The following WWP2 variants were observed in gnomAD, a reference collection of about 807,000 sequenced individuals.
WWP2 encodes the protein WW domain containing E3 ubiquitin protein ligase 2.
Under a neutral mutation model 121.0 loss-of-function variants are expected in WWP2, and 57 were observed. That is an observed-to-expected ratio of 0.47 (90% CI 0.38 to 0.59). The LOEUF (loss-of-function observed/expected upper bound fraction) is 0.59. Ranked by LOEUF, WWP2 falls within the 20% of genes least tolerant of loss-of-function variation. WWP2 has a pLI of 0.00. For missense variants in WWP2, 962 were observed against 1,158.9 expected (o/e 0.83, Z 2.47); for synonymous variants, 449 against 441.3 (o/e 1.02, Z -0.22).
chr16:69,897,340 C>A (rs1770823734), intron 8 of WWP2, among the ~76,000 whole-genome samples: 1 of 152,084 alleles, frequency 6.6e-6, no homozygotes, highest in Admixed American at 6.6e-5. Flanking sequence ...TGGGCTCAAG[C>A]AATCTGCTCC....
At chr16:69,917,586 C>T (rs1305881195) in intron 9 of WWP2, 123 bp from the exon 10 acceptor site, 7 of 1,166,650 alleles carry the variant, frequency 6.0e-6, no homozygotes, top group Non-Finnish European at 8.4e-6. Context: ...CTATAATCAG[C>T]TAAGCCCCAG....
At chr16:69,922,881 T>G (rs2058583182) in intron 10 of WWP2, among the ~76,000 whole-genome samples, 1 of 150,382 alleles carries the variant, frequency 6.6e-6, no homozygotes, top group South Asian at 2.1e-4. Context: ...GTAATTGTGG[T>G]TTTTGCCACG....
intron 4 of WWP2, among the ~76,000 whole-genome samples, chr16:69,814,109 C>G (rs1369631407): frequency 1.3e-5 from 2 of 152,118 alleles, no homozygotes; most frequent in African/African-American, 4.8e-5. Flanking sequence ...GTAAGCTAAA[C>G]CACTTGAGGG....
Position 69,935,731 on chromosome 16 carries a change from G to T in WWP2, c.1843-122G>T. 1 of 1,426,432 alleles carries T rather than the reference G, an allele frequency of 7.0e-7. No homozygotes were observed. The highest frequency in any genetic ancestry group is 1.4e-5 in the South Asian group (1 of 73,038). 88.4% of individuals were successfully genotyped at this position (1,426,432 alleles called of 1,614,324 possible). ...CGCTGCGTCCGAGGCAGCTGCTGCT[G>T]TAGTTCTGTCAGGGAAGGAAGGCGG... On this transcript the variant is annotated intron_variant, in intron 17 of 23. Coordinates refer to ENST00000359154, the MANE Select transcript of WWP2 (RefSeq NM_001270454.2). The surrounding 1 kb of genome is among the most constrained non-coding windows in gnomAD (Gnocchi z 5.2).
chr16:69,771,773 A>G (rs1042494291), intron 1 of WWP2, among the ~76,000 whole-genome samples: 2 of 151,986 alleles, frequency 1.3e-5, no homozygotes, highest in Non-Finnish European at 2.9e-5. Flanking sequence ...TGAAGTACAC[A>G]TGTATGCTAG....
chr16:69,922,275 C>A (rs2058574995), intron 10 of WWP2, among the ~76,000 whole-genome samples: 1 of 152,088 alleles, frequency 6.6e-6, no homozygotes, highest in South Asian at 2.1e-4. Flanking sequence ...GCCTGCGTTC[C>A]ACGCTGCAAC....
At chr16:69,829,993 C>CTAAGTCTA (rs932158204) in intron 4 of WWP2, among the ~76,000 whole-genome samples, 4 of 148,104 alleles carry the variant, frequency 2.7e-5, no homozygotes, top group African/African-American at 7.5e-5. Context: ...CTAACTCTTT[C>CTAAGTCTA]ACCTAAGCTG....
At chr16:69,902,133 G>A (rs998291854) in intron 8 of WWP2, among the ~76,000 whole-genome samples, 6 of 152,186 alleles carry the variant, frequency 3.9e-5, no homozygotes, top group Non-Finnish European at 5.9e-5. Context: ...ACGGGTAATT[G>A]AGCATTAATT....
chr16:69,905,707 G>A (rs2058278914), intron 8 of WWP2, among the ~76,000 whole-genome samples: 2 of 152,208 alleles, frequency 1.3e-5, no homozygotes, highest in East Asian at 1.9e-4. Context: ...CCAGTGCTAG[G>A]GAAGGCTGCT....
intron 4 of WWP2, among the ~76,000 whole-genome samples, chr16:69,817,058 G>T (rs1465892608): frequency 6.6e-6 from 1 of 152,170 alleles, no homozygotes; most frequent in African/African-American, 2.4e-5. Flanking sequence ...CTGTTATTCA[G>T]ACCTAATCCA....
chr16:69,781,609 C>T (rs937931235), intron 1 of WWP2, among the ~76,000 whole-genome samples: 24 of 151,998 alleles, frequency 1.6e-4, no homozygotes, highest in African/African-American at 5.8e-4. Flanking sequence ...CTCAGCCTCC[C>T]GAAGTGCTGG....
At chr16:69,936,104 C>T (rs2058793716) in intron 18 of WWP2, 118 bp downstream of exon 18, 4 of 1,495,624 alleles carry the variant, frequency 2.7e-6, no homozygotes, top group African/African-American at 1.4e-5. Flanking sequence ...CTTTTCCAGC[C>T]TCTATAAGAG....
chr16:69,764,964 G>C (rs2038696552), intron 1 of WWP2, among the ~76,000 whole-genome samples: 2 of 152,154 alleles, frequency 1.3e-5, no homozygotes, highest in Non-Finnish European at 2.9e-5. Flanking sequence ...AGCACTTTGG[G>C]AGGTCAAGGT....
At chr16:69,919,044 A>G (rs891192217) in intron 10 of WWP2, among the ~76,000 whole-genome samples, 10 of 151,610 alleles carry the variant, frequency 6.6e-5, no homozygotes, top group African/African-American at 2.4e-4. Flanking sequence ...GGGTTTTGCC[A>G]TGTTGGCCAG....
At chr16:69,891,998 C>T (rs1005888614) in intron 8 of WWP2, among the ~76,000 whole-genome samples, 16 of 152,096 alleles carry the variant, frequency 1.1e-4, no homozygotes, top group East Asian at 3.8e-4. Context: ...AATTTGCATA[C>T]GATTTATTAA....
chr16:69,882,859 GT>G, intron 7 of WWP2, among the ~76,000 whole-genome samples: 1 of 152,170 alleles, frequency 6.6e-6, no homozygotes, highest in South Asian at 2.1e-4. Flanking sequence ...ACAGTTAAAA[GT>G]TAATACAGCA....
chr16:69,936,622 A>T (rs1425181169), intron 19 of WWP2, 170 bp downstream of exon 19: 28 of 955,516 alleles, frequency 2.9e-5, no homozygotes, highest in Non-Finnish European at 4.1e-5. Context: ...AGCTGGGGGA[A>T]CCAAAGCCGA....
chr16:69,931,997 C>T, intron 16 of WWP2, 107 bp downstream of exon 16: 1 of 1,100,118 alleles, frequency 9.1e-7, no homozygotes, highest in Middle Eastern at 2.7e-4. Context: ...TCCCAAAGCT[C>T]TCATGCATCT....
intron 1 of WWP2, among the ~76,000 whole-genome samples, chr16:69,765,349 C>T (rs2038704791): frequency 6.6e-6 from 1 of 152,074 alleles, no homozygotes; most frequent in East Asian, 1.9e-4. Context: ...GCACTTGTGG[C>T]TCCCATCTTA....
Sources: gnomAD v4.1 joint callset for allele counts (sites outside exome capture counted in the v4.1 genomes callset) on GRCh38, gnomAD v4.1.1 for gene constraint, Gnocchi (gnomAD v3.1) non-coding constraint, MANE v1.5 for transcripts, NCBI Gene and HGNC (gene_info 2026-07-23, HGNC 2026-07-21) for gene names.